TMTC1: variants seen among roughly 807,000 people sequenced by gnomAD.
TMTC1 encodes the protein transmembrane O-mannosyltransferase targeting cadherins 1.
TMTC1 carries 73 observed loss-of-function variants against 104.8 expected under a neutral mutation model. That is an observed-to-expected ratio of 0.70 (90% CI 0.58 to 0.85). The LOEUF is 0.85. TMTC1 is among the 40% of genes least tolerant of loss of function. The pLI is 0.00. For synonymous variants in TMTC1, 434 were observed against 428.7 expected, an observed-to-expected ratio of 1.01 and a Z score of -0.15; for missense variants, 1,035 against 1,096.1, an observed-to-expected ratio of 0.94 and a Z score of 0.79.
At chr12:29,684,757 A>G (rs544706586) in intron 5 of TMTC1, among the ~76,000 whole-genome samples, 123 of 152,284 alleles carry the variant, frequency 8.1e-4, no homozygotes, top group African/African-American at 2.8e-3. Context: ...TACAGTGAAA[A>G]CACTTAGCAT....
At chr12:29,571,615 G>A (rs1025604575) in intron 9 of TMTC1, among the ~76,000 whole-genome samples, 55 of 149,426 alleles carry the variant, frequency 3.7e-4, no homozygotes, top group East Asian at 3.9e-4. Context: ...CACAATTAAC[G>A]TATCCCCAAC....
intron 11 of TMTC1, chr12:29,533,527 G>T (rs1433468433): frequency 1.3e-5 from 2 of 152,162 alleles, no homozygotes; most frequent in African/African-American, 4.8e-5. Flanking sequence ...GACTGAGAAA[G>T]GTGAGCTAGA....
At chr12:29,544,293 C>T (rs1445358859) in intron 10 of TMTC1, among the ~76,000 whole-genome samples, 5 of 151,700 alleles carry the variant, frequency 3.3e-5, no homozygotes, top group Non-Finnish European at 2.9e-5. Flanking sequence ...GACAGAGTGG[C>T]GCAAAAGTGG....
chr12:29,722,609 T>C (rs1942266607), intron 5 of TMTC1, among the ~76,000 whole-genome samples: 1 of 152,118 alleles, frequency 6.6e-6, no homozygotes, highest in Admixed American at 6.5e-5. Flanking sequence ...AAAGATTCTA[T>C]TCATGAACTG....
intron 6 of TMTC1, among the ~76,000 whole-genome samples, chr12:29,613,234 G>C (rs961030593): frequency 2.0e-5 from 3 of 152,150 alleles, no homozygotes; most frequent in African/African-American, 7.2e-5. Context: ...ACCTAGTGGA[G>C]TGACTCAGGA....
At chr12:29,657,564 T>C (rs1482053030) in intron 5 of TMTC1, among the ~76,000 whole-genome samples, 5 of 102,754 alleles carry the variant, frequency 4.9e-5, no homozygotes, top group Admixed American at 4.7e-4. Context: ...TCTGAGAGCA[T>C]ATTCAAGATT....
intron 6 of TMTC1, among the ~76,000 whole-genome samples, chr12:29,605,517 T>C (rs1007549760): frequency 5.1e-5 from 5 of 98,636 alleles, no homozygotes; most frequent in African/African-American, 1.6e-4. Flanking sequence ...AAGAAAAAAA[T>C]AGATTATGTA....
intron 4 of TMTC1, among the ~76,000 whole-genome samples, chr12:29,752,864 G>A (rs1943125576): frequency 6.6e-6 from 1 of 152,216 alleles, no homozygotes; most frequent in Non-Finnish European, 1.5e-5. Context: ...ATTCAGGATT[G>A]TGATTCCCTC....
At chr12:29,724,283 C>T (rs376863564) in intron 5 of TMTC1, among the ~76,000 whole-genome samples, 4 of 152,260 alleles carry the variant, frequency 2.6e-5, no homozygotes, top group Admixed American at 1.3e-4. Flanking sequence ...ATCATGAACA[C>T]GCAAACTCTG....
chr12:29,581,085 G>A (rs967371232), intron 8 of TMTC1, among the ~76,000 whole-genome samples: 6 of 152,176 alleles, frequency 3.9e-5, no homozygotes, highest in African/African-American at 1.4e-4. Context: ...GAGTGGATAA[G>A]TAACTTGCCT....
intron 3 of TMTC1, among the ~76,000 whole-genome samples, chr12:29,756,801 T>C (rs1943226306): frequency 6.6e-6 from 1 of 152,202 alleles, no homozygotes; most frequent in Non-Finnish European, 1.5e-5. Context: ...TTAGAACAAT[T>C]GCATAACATT....
chr12:29,717,135 A>G (rs1269974775), intron 5 of TMTC1, among the ~76,000 whole-genome samples: 1 of 152,248 alleles, frequency 6.6e-6, no homozygotes, highest in Non-Finnish European at 1.5e-5. Flanking sequence ...ATTCCATTTG[A>G]CATATTTAAA....
chr12:29,746,801 A>G (rs1478486027), intron 5 of TMTC1, among the ~76,000 whole-genome samples: 1 of 152,248 alleles, frequency 6.6e-6, no homozygotes, highest in African/African-American at 2.4e-5. Context: ...AGAGCCACTG[A>G]AATGAAAATC....
intron 5 of TMTC1, among the ~76,000 whole-genome samples, chr12:29,715,701 T>C (rs1942057092): frequency 6.6e-6 from 1 of 152,152 alleles, no homozygotes; most frequent in Admixed American, 6.5e-5. Context: ...AGAGGTTTAA[T>C]TGACTCAGAG....
intron 5 of TMTC1, among the ~76,000 whole-genome samples, chr12:29,683,487 C>A (rs1050634163): frequency 2.0e-5 from 3 of 152,172 alleles, no homozygotes; most frequent in Non-Finnish European, 4.4e-5. Flanking sequence ...TTATACTCAT[C>A]AAATTCTACA....
Position 29,500,987 on chromosome 12 carries a change from T to C in TMTC1, c.*5859A>G, listed in dbSNP as rs1943575703. On this transcript the variant is annotated 3_prime_UTR_variant, in exon 18 of 18. Transcript: ENST00000539277. ...GGGCACAGCCAAAGTAACAAAAATGTACATTTACATACAACTGATCCAAAC... is the reference window on the plus strand; with the variant it reads ...GGGCACAGCCAAAGTAACAAAAATGCACATTTACATACAACTGATCCAAAC... 2 of 152,708 alleles carry C rather than the reference T, an allele frequency of 1.3e-5. No individual in the cohort carries two copies. Among genetic ancestry groups the C allele is most frequent in the African/African-American group, 4.8e-5 (2 of 41,562 alleles). The allele number at this position is 152,708 out of a possible 1,614,324, so 9.5% of individuals were successfully genotyped here.
chr12:29,523,039 C>A (rs1339309627), intron 11 of TMTC1, among the ~76,000 whole-genome samples: 2 of 152,054 alleles, frequency 1.3e-5, no homozygotes, highest in African/African-American at 2.4e-5. Flanking sequence ...ATTGGGGAGC[C>A]CTGAATAAAA....
At chr12:29,631,014 C>T (rs533975108) in intron 6 of TMTC1, among the ~76,000 whole-genome samples, 2 of 152,160 alleles carry the variant, frequency 1.3e-5, no homozygotes, top group Non-Finnish European at 2.9e-5. Context: ...ACTAATGATG[C>T]TGAGCATCTT....
chr12:29,551,609 TTC>T (rs559230076), intron 10 of TMTC1, among the ~76,000 whole-genome samples: 186 of 152,300 alleles, frequency 1.2e-3, no homozygotes, highest in African/African-American at 4.3e-3. Context: ...CTTCAAGAAG[TTC>T]TTTTTATATT....
Sources: allele counts gnomAD v4.1 joint callset (sites outside exome capture counted in the v4.1 genomes callset), GRCh38; gene constraint gnomAD v4.1.1; transcripts MANE v1.5; gene names NCBI Gene and HGNC (gene_info 2026-07-23, HGNC 2026-07-21).